COL12A1: variants seen among roughly 807,000 people sequenced by gnomAD.
The protein encoded by COL12A1 is collagen type XII alpha 1 chain.
COL12A1 carries 114 observed loss-of-function variants against 349.7 expected under a neutral mutation model. The observed-to-expected ratio is 0.33, with a 90% CI of 0.28 to 0.38. COL12A1 has a LOEUF of 0.38. Among genes scored for constraint, COL12A1 ranks in the 10% least tolerant of loss-of-function variants. COL12A1 has a pLI of 1.00. For missense variants in COL12A1, 3,284 were observed against 3,756.9 expected, an observed-to-expected ratio of 0.87 and a Z score of 3.29; for synonymous variants, 1,369 against 1,329.0, an observed-to-expected ratio of 1.03 and a Z score of -0.66.
At chr6:75,141,990 A>T in intron 27 of COL12A1, 42 bp downstream of exon 27, 1 of 1,611,224 alleles carries the variant, frequency 6.2e-7, no homozygotes, top group South Asian at 1.1e-5. Flanking sequence ...ATGCATGTAA[A>T]GTGTTGTTTC....
chr6:75,182,077 C>T (rs1250920685), intron 10 of COL12A1, among the ~76,000 whole-genome samples: 2 of 127,004 alleles, frequency 1.6e-5, no homozygotes, highest in African/African-American at 6.1e-5. Flanking sequence ...GCCTGGGTGA[C>T]AGAGTGAGAC....
chr6:75,170,560 C>T (rs979684428), intron 13 of COL12A1, among the ~76,000 whole-genome samples: 1 of 152,144 alleles, frequency 6.6e-6, no homozygotes, highest in Non-Finnish European at 1.5e-5. Context: ...ACTTCAAAGT[C>T]GGCTTGAGCA....
chr6:75,153,585 T>C (rs1473681860), intron 17 of COL12A1, among the ~76,000 whole-genome samples: 1 of 152,116 alleles, frequency 6.6e-6, no homozygotes. Context: ...CACTACAGAA[T>C]ACAAATGTGT....
chr6:75,153,150 G>T (rs921038478), intron 17 of COL12A1, among the ~76,000 whole-genome samples: 1 of 151,954 alleles, frequency 6.6e-6, no homozygotes, highest in African/African-American at 2.4e-5. Flanking sequence ...TTAAATTTAT[G>T]ATCTACTGTG....
chr6:75,146,410 A>G, intron 23 of COL12A1, 166 bp from the exon 24 acceptor site: 1 of 644,574 alleles, frequency 1.6e-6, no homozygotes, highest in Non-Finnish European at 2.3e-6. Context: ...AAAAAATCCA[A>G]TTTACATTGC....
At chr6:75,140,813 A>G (rs1353840307) in intron 27 of COL12A1, among the ~76,000 whole-genome samples, 2 of 152,112 alleles carry the variant, frequency 1.3e-5, no homozygotes, top group Non-Finnish European at 2.9e-5. Flanking sequence ...CAGTCCCATC[A>G]ATAGGTTACT....
chr6:75,090,178 T>G lies in COL12A1; in HGVS notation c.8873A>C (p.Glu2958Ala), dbSNP rs764820580. The change falls in exon 63 of 66, where the codon GAA becomes GCA. Residue 2958 changes from glutamate to alanine, a missense_variant. By Grantham distance (107) the Glu-to-Ala change is moderately radical. Around this residue, in one of 2 missense-constraint regions of COL12A1, gnomAD observed 683 missense variants for 932.1 expected, o/e 0.73. Transcript: ENST00000322507. The surrounding 1 kb of genome is among the most constrained non-coding windows in gnomAD (Gnocchi z 4.1). Reference sequence around the variant, plus strand: ...GCCTGGCCGCCCCCCAGGCCCAGGTTCTCCTCTGGCTCCTGCGCTACCAGG... The same window carrying G: ...GCCTGGCCGCCCCCCAGGCCCAGGTGCTCCTCTGGCTCCTGCGCTACCAGG... ...GPPGSAGARGEPGPGGRPGFP... is the reference protein window; with the variant it reads ...GPPGSAGARGAPGPGGRPGFP... 5 of 1,614,020 alleles carry G rather than the reference T, an allele frequency of 3.1e-6. No homozygotes were observed. Among genetic ancestry groups the G allele is most frequent in the Non-Finnish European group, 4.2e-6 (5 of 1,179,974 alleles).
At chr6:75,105,327 T>A in intron 53 of COL12A1, 35 bp from the exon 54 acceptor site, 1 of 1,565,518 alleles carries the variant, frequency 6.4e-7, no homozygotes, top group Non-Finnish European at 8.8e-7. Context: ...CCTTTAAATT[T>A]AGAGGAAAAA....
intron 49 of COL12A1, 79 bp downstream of exon 49, chr6:75,115,705 G>A (rs958004963): frequency 5.0e-5 from 75 of 1,489,516 alleles, no homozygotes; most frequent in East Asian, 1.8e-4. Flanking sequence ...AAAGTCCCAG[G>A]ATTCTGGGAA....
intron 51 of COL12A1, among the ~76,000 whole-genome samples, chr6:75,112,605 CT>C (rs1471805940): frequency 6.6e-6 from 1 of 151,552 alleles, no homozygotes; most frequent in Non-Finnish European, 1.5e-5. Flanking sequence ...CATCTTAGAA[CT>C]TTTAATAAGA....
At chr6:75,133,779 T>C in intron 33 of COL12A1, 79 bp downstream of exon 33, 2 of 1,534,414 alleles carry the variant, frequency 1.3e-6, no homozygotes, top group South Asian at 1.2e-5. Flanking sequence ...GCAAACTGGT[T>C]AACTCCTTCA....
intron 21 of COL12A1, among the ~76,000 whole-genome samples, chr6:75,149,737 A>AGAGT (rs1767387387): frequency 6.6e-6 from 1 of 152,084 alleles, no homozygotes; most frequent in African/African-American, 2.4e-5. Flanking sequence ...TAGTATCTTA[A>AGAGT]CTTTTATTGT....
intron 14 of COL12A1, among the ~76,000 whole-genome samples, chr6:75,164,260 G>A (rs1308754913): frequency 1.3e-5 from 2 of 152,082 alleles, no homozygotes; most frequent in Non-Finnish European, 2.9e-5. Flanking sequence ...ATCCAACTGA[G>A]CTTGCAAATG....
At chr6:75,197,448 G>T (rs1770290312) in intron 2 of COL12A1, among the ~76,000 whole-genome samples, 2 of 151,968 alleles carry the variant, frequency 1.3e-5, no homozygotes, top group African/African-American at 2.4e-5. Flanking sequence ...GAGTAGCAAG[G>T]ATTACAGGCG....
intron 44 of COL12A1, among the ~76,000 whole-genome samples, chr6:75,119,883 C>A (rs943855077): frequency 1.3e-5 from 2 of 152,100 alleles, no homozygotes; most frequent in Non-Finnish European, 2.9e-5. Context: ...TTCTTTATGG[C>A]AATACAGAAA....
chr6:75,118,022 C>T (rs558713163), intron 46 of COL12A1, among the ~76,000 whole-genome samples: 1 of 152,226 alleles, frequency 6.6e-6, no homozygotes, highest in East Asian at 1.9e-4. Context: ...TCACTGGCAA[C>T]AGACGGGCTA....
At chr6:75,095,254 GTT>G in intron 59 of COL12A1, 75 bp from the exon 60 acceptor site, 1 of 1,084,008 alleles carries the variant, frequency 9.2e-7, no homozygotes, top group Non-Finnish European at 1.4e-6. Context: ...AATACAGCCT[GTT>G]TTAAACGCGT....
At chr6:75,172,988 C>G (rs141940918) in intron 13 of COL12A1, among the ~76,000 whole-genome samples, 1,896 of 152,242 alleles carry the variant, frequency 0.012, 35 homozygotes, top group African/African-American at 0.044. Flanking sequence ...TATATGCAGG[C>G]GTCTTGGAAC....
Position 75,090,030 on chromosome 6 carries a change from T to C in COL12A1, c.8941+80A>G. On this transcript the variant is annotated intron_variant, in intron 63 of 65. Coordinates refer to ENST00000322507, the MANE Select transcript of COL12A1 (RefSeq NM_004370.6). This position sits in a 1 kb window ranked among gnomAD's most constrained non-coding sequence, Gnocchi z 4.1. ...GAAAGCAGTTTGCCTAGGTCACCTT[T>C]CAGATGCCTTCAACCTGTCCCAACT... 1 of 1,500,958 alleles carries C rather than the reference T, an allele frequency of 6.7e-7. No individual in the cohort carries two copies. The highest frequency in any genetic ancestry group is 9.1e-7 in the Non-Finnish European group (1 of 1,093,384). 93.0% of individuals were successfully genotyped at this position (1,500,958 alleles called of 1,614,324 possible). A position where few individuals can be genotyped will look rare whatever the true frequency, so the allele number is the denominator to read the frequency against.
Sources: allele counts gnomAD v4.1 joint callset (sites outside exome capture counted in the v4.1 genomes callset), GRCh38; gene constraint gnomAD v4.1.1; regional missense constraint gnomAD v4.1.1; non-coding constraint Gnocchi (gnomAD v3.1); transcripts MANE v1.5; gene names NCBI Gene and HGNC (gene_info 2026-07-23, HGNC 2026-07-21).